Variants in PTK2B observed in about 807,000 individuals in gnomAD.
The protein encoded by PTK2B is protein tyrosine kinase 2 beta.
A neutral mutation model predicts 142.9 loss-of-function variants in PTK2B; 71 were observed. The ratio of observed to expected loss-of-function variants is 0.50; its 90% CI spans 0.41 to 0.61. The LOEUF (loss-of-function observed/expected upper bound fraction) is 0.61, where lower values mean the gene tolerates loss of function less well. PTK2B is among the 20% of genes least tolerant of loss of function. PTK2B has a pLI of 0.00. For missense variants in PTK2B, 1,105 were observed against 1,320.4 expected, an observed-to-expected ratio of 0.84 and a Z score of 2.53; for synonymous variants, 519 against 503.4, an observed-to-expected ratio of 1.03 and a Z score of -0.42.
chr8:27,434,504 C>A lies in PTK2B; in HGVS notation c.1146-9C>A. On this transcript the variant is annotated splice_polypyrimidine_tract_variant and intron_variant, in intron 12 of 30. Coordinates refer to ENST00000346049, the MANE Select transcript of PTK2B (RefSeq NM_173176.3). ...GCTCACCTGGCTTCTGCTCTCTCAC[C>A]TCCTACAGAAACCTGGAGGCCCGGC... 2 of 1,609,256 alleles carry A rather than the reference C, an allele frequency of 1.2e-6. No individual in the cohort carries two copies. The highest frequency in any genetic ancestry group is 1.1e-5 in the South Asian group (1 of 90,216).
At chr8:27,314,167 ATCATATTTCTACACAGCTAC>A (rs1803043076) in intron 3 of PTK2B, among the ~76,000 whole-genome samples, 1 of 152,232 alleles carries the variant, frequency 6.6e-6, no homozygotes, top group Admixed American at 6.5e-5. Context: ...CTTTTGTTCA[ATCATATTTCTACACAGCTAC>A]TCATACTTTG....
intron 1 of PTK2B, chr8:27,396,314 C>G (rs1456182496): frequency 2.0e-5 from 3 of 152,196 alleles, no homozygotes; most frequent in African/African-American, 7.2e-5. Flanking sequence ...ATGTGTGACT[C>G]CATGTTCGTG....
Position 27,434,554 on chromosome 8 carries a change from G to A in PTK2B, c.1187G>A (p.Ser396Asn), listed in dbSNP as rs752444924. Residue 396 changes from serine (S) to asparagine (N), a missense_variant, in exon 13 of 31, where the codon AGC (serine) becomes AAC (asparagine). By Grantham distance (46) the Ser-to-Asn change is conservative. Coordinates refer to ENST00000346049, the MANE Select transcript of PTK2B (RefSeq NM_173176.3). ...ARRSHLSESC[S>N]IESDIYAEIP... Reference sequence around the variant, plus strand: ...CGGTCCCACCTCTCAGAGAGCTGCAGCATAGGTGAGCTGCCCGCTGCATCC... The same window carrying A: ...CGGTCCCACCTCTCAGAGAGCTGCAACATAGGTGAGCTGCCCGCTGCATCC... 8 of 1,602,192 alleles carry A rather than the reference G, an allele frequency of 5.0e-6. No homozygotes were observed. In the East Asian group the frequency reaches 1.8e-4, roughly 36 times the overall value.
At position 27,435,776 on chromosome 8, in the gene PTK2B, C is replaced by A; in HGVS notation, c.1226C>A (p.Thr409Asn). ...ATCTACGCAGAGATTCCCGACGAAA[C>A]CCTGCGAAGGCCCGGAGGTAGGTTC... ...SDIYAEIPDE[T>N]LRRPGGPQYG... The change falls in exon 14 of 31, where the codon ACC (threonine) becomes AAC (asparagine). Residue 409 changes from threonine to asparagine, a missense_variant. Transcript: ENST00000346049. 1 of 1,614,144 alleles carries A rather than the reference C, an allele frequency of 6.2e-7. No individual in the cohort carries two copies. Among genetic ancestry groups the A allele is most frequent in the Non-Finnish European group, 8.5e-7 (1 of 1,180,034 alleles).
intron 2 of PTK2B, among the ~76,000 whole-genome samples, chr8:27,401,239 A>G (rs1185967005): frequency 7.0e-6 from 1 of 142,100 alleles, no homozygotes; most frequent in Non-Finnish European, 1.6e-5. Flanking sequence ...ATCAGTCAAG[A>G]GAACCAGGAG....
rs1030526 is a variant in PTK2B at position 27,420,020 on chromosome 8, G to A, written c.330G>A (p.Thr110=). The A allele has an allele frequency of 0.41, 659,112 of 1,613,828 alleles. 138,081 individuals carry two copies. The highest frequency in any genetic ancestry group is 0.55 in the South Asian group (49,681 of 91,070). The change falls in exon 3 of 31, where the codon ACG becomes ACA. Residue 110 remains threonine (T), a synonymous_variant. Coordinates refer to ENST00000346049, the MANE Select transcript of PTK2B (RefSeq NM_173176.3). ...DEIHWLHPQM[T]VGEVQDKYEC... ...TCCACTGGCTGCACCCACAGATGAC[G>A]GTGGGTGAGGTGCAGGACAAGTATG... is the stretch of plus-strand genomic sequence containing the variant.
chr8:27,446,428 A>T (rs1378728446), intron 24 of PTK2B, among the ~76,000 whole-genome samples: 1 of 152,110 alleles, frequency 6.6e-6, no homozygotes, highest in East Asian at 1.9e-4. Flanking sequence ...AGCCTCATTA[A>T]CTGGCTAGAG....
intron 2 of PTK2B, among the ~76,000 whole-genome samples, chr8:27,417,281 G>A (rs535167039): frequency 2.6e-5 from 4 of 152,310 alleles, no homozygotes; most frequent in Admixed American, 2.0e-4. Context: ...TCTGATATAT[G>A]CAACAACATG....
upstream of PTK2B, chr8:27,311,325 A>C: frequency 7.2e-7 from 1 of 1,389,368 alleles, no homozygotes; most frequent in Non-Finnish European, 9.5e-7. Flanking sequence ...GAGTGCTGGG[A>C]ATCGCCCAGT....
intron 1 of PTK2B, among the ~76,000 whole-genome samples, chr8:27,334,023 T>C (rs1803913592): frequency 6.6e-6 from 1 of 152,064 alleles, no homozygotes; most frequent in South Asian, 2.1e-4. Flanking sequence ...TCCCACACAC[T>C]CAGGTCAGAA....
intron 2 of PTK2B, among the ~76,000 whole-genome samples, chr8:27,414,406 G>A (rs554862549): frequency 7.9e-5 from 12 of 152,122 alleles, no homozygotes; most frequent in East Asian, 1.9e-4. Flanking sequence ...CACCACACCC[G>A]GCTAATTTTT....
At chr8:27,353,955 T>A (rs1360909693) in intron 1 of PTK2B, among the ~76,000 whole-genome samples, 1 of 152,142 alleles carries the variant, frequency 6.6e-6, no homozygotes, top group East Asian at 1.9e-4. Context: ...TTGGCTCACA[T>A]ACCCAAATTA....
chr8:27,403,922 TCTC>T (rs1297871150), intron 2 of PTK2B, among the ~76,000 whole-genome samples: 3 of 151,502 alleles, frequency 2.0e-5, no homozygotes, highest in South Asian at 2.1e-4. Context: ...TCTTTCTCCT[TCTC>T]CTTCTCTGCC....
rs75082643 is a variant in PTK2B at position 27,372,076 on chromosome 8, G to A, written c.-37-25472G>A. Among the ~76,000 whole-genome samples, 890 of 152,276 alleles carry A rather than the reference G, an allele frequency of 5.8e-3. 12 individuals are homozygous for A. The highest frequency in any genetic ancestry group is 0.021 in the African/African-American group (861 of 41,546). On this transcript the variant is annotated intron_variant, in intron 1 of 30. Coordinates refer to ENST00000346049, the MANE Select transcript of PTK2B (RefSeq NM_173176.3). Reference sequence around the variant, plus strand: ...TAACCCCATGCCTGATACATACAAAGCACTTGATAAACAGTAGTTGCTATT... The same window carrying A: ...TAACCCCATGCCTGATACATACAAAACACTTGATAAACAGTAGTTGCTATT...
intron 3 of PTK2B, among the ~76,000 whole-genome samples, chr8:27,314,548 C>T (rs903346590): frequency 1.3e-5 from 2 of 152,370 alleles, no homozygotes; most frequent in South Asian, 2.1e-4. Context: ...CCCCATAGGG[C>T]GTAGGCCAAG....
chr8:27,393,792 C>A (rs1563248103), intron 1 of PTK2B, among the ~76,000 whole-genome samples: 2 of 152,146 alleles, frequency 1.3e-5, no homozygotes, highest in South Asian at 4.1e-4. Flanking sequence ...ACATCCCTCA[C>A]CCCCCAGAGT....
chr8:27,405,473 C>T (rs1346865231), intron 2 of PTK2B, among the ~76,000 whole-genome samples: 2 of 152,194 alleles, frequency 1.3e-5, no homozygotes, highest in African/African-American at 4.8e-5. Context: ...TGGAAGCACA[C>T]AAGGCTGGTC....
intron 15 of PTK2B, 34 bp from the exon 16 acceptor site, chr8:27,437,088 G>A (rs759948708): frequency 6.3e-7 from 1 of 1,592,322 alleles, no homozygotes; most frequent in African/African-American, 1.3e-5. Flanking sequence ...GCACTGGGCT[G>A]GACCAAGGGG....
rs1365167495 is a variant in PTK2B, at chr8:27,334,945, CTG to C, written c.-38+9267_-38+9268del. Among the ~76,000 whole-genome samples the C allele has an allele frequency of 3.9e-5, 6 of 152,332 alleles. No homozygotes were observed. In the East Asian group the frequency reaches 1.2e-3, roughly 29 times the overall value. On this transcript the variant is annotated intron_variant, in intron 1 of 30. Coordinates refer to ENST00000346049, the MANE Select transcript of PTK2B (RefSeq NM_173176.3). Reference sequence around the variant, plus strand: ...AACCACTCCTAACTCTCTCTAATCTCTGTGAGTCTTGCCTTTCCCTTTTCTCT... The same window carrying C: ...AACCACTCCTAACTCTCTCTAATCTCTGAGTCTTGCCTTTCCCTTTTCTCT...
Sources: allele counts gnomAD v4.1 joint callset (sites outside exome capture counted in the v4.1 genomes callset), GRCh38; gene constraint gnomAD v4.1.1; transcripts MANE v1.5; gene names NCBI Gene and HGNC (gene_info 2026-07-23, HGNC 2026-07-21).